DTNA: variants seen among roughly 807,000 people sequenced by gnomAD.
DTNA encodes the protein dystrobrevin alpha, also known as dystrophin-related protein 3.
In DTNA, 43 loss-of-function variants were observed where a neutral mutation model predicts 100.7. That is an observed-to-expected ratio of 0.43 (90% CI 0.33 to 0.55). The LOEUF (loss-of-function observed/expected upper bound fraction) is 0.55. Among genes scored for constraint, DTNA ranks in the 20% least tolerant of loss-of-function variants. DTNA has a pLI of 0.04. For missense variants in DTNA, 798 were observed against 953.9 expected (o/e 0.84, Z 2.15); for synonymous variants, 349 against 347.9 (o/e 1.00, Z -0.04).
intron 1 of DTNA, among the ~76,000 whole-genome samples, chr18:34,546,773 T>C (rs930007055): frequency 1.3e-5 from 2 of 151,900 alleles, no homozygotes; most frequent in African/African-American, 4.8e-5. Context: ...CTTTTTTTTT[T>C]ATCTCAGCTC....
intron 1 of DTNA, among the ~76,000 whole-genome samples, chr18:34,532,930 T>C (rs2043294925): frequency 2.0e-5 from 3 of 151,972 alleles, no homozygotes; most frequent in African/African-American, 7.2e-5. Context: ...TTTGTAGCTC[T>C]CTTGGGAGGA....
intron 1 of DTNA, among the ~76,000 whole-genome samples, chr18:34,679,787 C>T (rs759069267): frequency 4.6e-5 from 7 of 152,044 alleles, no homozygotes; most frequent in Admixed American, 1.3e-4. Context: ...AAAGACTTAC[C>T]GTCTTTTTGT....
chr18:34,631,807 C>T (rs907354728), intron 1 of DTNA, among the ~76,000 whole-genome samples: 1 of 152,154 alleles, frequency 6.6e-6, no homozygotes, highest in African/African-American at 2.4e-5. Flanking sequence ...CATGTGCAAA[C>T]TTGTTCATCA....
At chr18:34,826,022 C>T (rs1219129735) in intron 9 of DTNA, among the ~76,000 whole-genome samples, 1 of 152,080 alleles carries the variant, frequency 6.6e-6, no homozygotes, top group Non-Finnish European at 1.5e-5. Context: ...ACTAGCCTTG[C>T]GTTGCTCCCT....
chr18:34,827,507 C>T, intron 9 of DTNA, 86 bp from the exon 10 acceptor site: 1 of 1,248,708 alleles, frequency 8.0e-7, no homozygotes, highest in Non-Finnish European at 1.2e-6. Flanking sequence ...ATCTTCCCAT[C>T]CCGTTTCCTG....
intron 1 of DTNA, among the ~76,000 whole-genome samples, chr18:34,631,916 C>T (rs2058121801): frequency 6.6e-6 from 1 of 152,172 alleles, no homozygotes; most frequent in Admixed American, 6.5e-5. Context: ...GTGAGCTATA[C>T]TTCTATCGGG....
chr18:34,767,346 C>G (rs2093537680), intron 3 of DTNA, among the ~76,000 whole-genome samples: 2 of 152,104 alleles, frequency 1.3e-5, no homozygotes, highest in South Asian at 2.1e-4. Context: ...TGTGAGGATG[C>G]AAAGTACGCA....
Position 34,888,030 on chromosome 18 carries a change from C to T in DTNA, c.*296C>T, listed in dbSNP as rs896578007. ...AAAAAAGACTTCTGTTCAAAGTTAA[C>T]TTATCAGCTACATCCTCTGTAACGT... On this transcript the variant is annotated 3_prime_UTR_variant, in exon 23 of 23. Coordinates refer to ENST00000444659, the MANE Select transcript of DTNA (RefSeq NM_001386795.1). The T allele has an allele frequency of 8.1e-6, 8 of 985,710 alleles. No homozygotes were observed. Among genetic ancestry groups the T allele is most frequent in the South Asian group, 9.4e-5 (2 of 21,284 alleles). 61.1% of individuals were successfully genotyped at this position (985,710 alleles called of 1,614,324 possible). A position where few individuals can be genotyped will look rare whatever the true frequency, so the allele number is the denominator to read the frequency against.
At chr18:34,790,739 A>C (rs1023109642) in intron 3 of DTNA, among the ~76,000 whole-genome samples, 1 of 152,020 alleles carries the variant, frequency 6.6e-6, no homozygotes, top group Non-Finnish European at 1.5e-5. Flanking sequence ...CGGTTTAGAA[A>C]TCACACTCTG....
intron 1 of DTNA, among the ~76,000 whole-genome samples, chr18:34,652,545 T>G (rs1373165816): frequency 1.3e-5 from 2 of 152,220 alleles, no homozygotes; most frequent in African/African-American, 4.8e-5. Flanking sequence ...CATTGTGAGC[T>G]ATCACCCTTC....
At chr18:34,605,633 G>GCA (rs3078088) in intron 1 of DTNA, among the ~76,000 whole-genome samples, 7,735 of 142,244 alleles carry the variant, frequency 0.054, 192 homozygotes, top group South Asian at 0.083. Context: ...TGCAACTCAG[G>GCA]CACACACACA....
At chr18:34,712,682 A>C (rs2083141256) in intron 1 of DTNA, among the ~76,000 whole-genome samples, 1 of 152,108 alleles carries the variant, frequency 6.6e-6, no homozygotes, top group South Asian at 2.1e-4. Context: ...AGGATGTTTT[A>C]ATTGTACAGT....
At chr18:34,619,771 G>A (rs1331310507) in intron 1 of DTNA, among the ~76,000 whole-genome samples, 2 of 152,142 alleles carry the variant, frequency 1.3e-5, no homozygotes, top group African/African-American at 4.8e-5. Context: ...GGATAAATGG[G>A]ATGACATATC....
At chr18:34,653,102 A>T (rs1417474707) in intron 1 of DTNA, among the ~76,000 whole-genome samples, 1 of 152,184 alleles carries the variant, frequency 6.6e-6, no homozygotes, top group Non-Finnish European at 1.5e-5. Flanking sequence ...GGTGAATAGT[A>T]TGTTTTTACA....
chr18:34,706,628 A>G (rs1415382988), upstream of DTNA, among the ~76,000 whole-genome samples: 1 of 152,190 alleles, frequency 6.6e-6, no homozygotes, highest in Non-Finnish European at 1.5e-5. Flanking sequence ...TTATTTAAAA[A>G]CGGATATTTT....
At chr18:34,805,517 A>T (rs576491011) in intron 4 of DTNA, among the ~76,000 whole-genome samples, 73 of 152,054 alleles carry the variant, frequency 4.8e-4, no homozygotes, top group Middle Eastern at 3.4e-3. Flanking sequence ...TAGAGACAGG[A>T]TATCACCATG....
At chr18:34,535,140 C>A (rs1440956154) in intron 1 of DTNA, among the ~76,000 whole-genome samples, 1 of 152,144 alleles carries the variant, frequency 6.6e-6, no homozygotes, top group Non-Finnish European at 1.5e-5. Flanking sequence ...TTCTCCACAG[C>A]CTCACCAGCA....
chr18:34,551,241 C>G (rs2045379647), intron 1 of DTNA, among the ~76,000 whole-genome samples: 1 of 152,154 alleles, frequency 6.6e-6, no homozygotes, highest in Non-Finnish European at 1.5e-5. Context: ...CAGTTTGTGT[C>G]TCATTCATAT....
intron 1 of DTNA, among the ~76,000 whole-genome samples, chr18:34,575,539 C>T (rs1199107426): frequency 1.3e-5 from 2 of 150,546 alleles, no homozygotes; most frequent in East Asian, 3.9e-4. Context: ...CTTGAAATTT[C>T]AACCTCCTTT....
Sources: allele counts gnomAD v4.1 joint callset (sites outside exome capture counted in the v4.1 genomes callset), GRCh38; gene constraint gnomAD v4.1.1; transcripts MANE v1.5; gene names NCBI Gene and HGNC (gene_info 2026-07-23, HGNC 2026-07-21).